EXT2: variants seen among roughly 807,000 people sequenced by gnomAD.
The protein encoded by EXT2 is exostosin-2.
EXT2 carries 53 observed loss-of-function variants against 81.6 expected under a neutral mutation model. The ratio of observed to expected loss-of-function variants is 0.65; its 90% CI spans 0.52 to 0.82. The LOEUF is 0.82. EXT2 is among the 40% of genes least tolerant of loss of function. The pLI is 0.00. For missense variants in EXT2, 774 were observed against 910.2 expected, an observed-to-expected ratio of 0.85 and a Z score of 1.93; for synonymous variants, 320 against 340.0, an observed-to-expected ratio of 0.94 and a Z score of 0.65.
intron 7 of EXT2, among the ~76,000 whole-genome samples, chr11:44,157,685 A>G (rs1954873787): frequency 6.6e-6 from 1 of 152,164 alleles, no homozygotes. Context: ...AAGGCCTGGG[A>G]TAAGACCCCA....
In EXT2 at chr11:44,250,604, A is replaced by T. The variant is rs1035822819; in HGVS notation, c.*6317A>T. On this transcript the variant is annotated 3_prime_UTR_variant, in exon 14 of 14. Transcript: ENST00000533608. ...ACCAAATGAGCAGTTCTCTTGCCCC[A>T]GTCCCTTTCCTGTGCTATAAATAAG... 6.6e-6 allele frequency among the ~76,000 whole-genome samples: 1 copy of T among 152,180 alleles called. No homozygotes were observed. Among genetic ancestry groups the T allele is most frequent in the African/African-American group, 2.4e-5 (1 of 41,438 alleles).
chr11:44,136,632 T>C (rs1324179137), intron 7 of EXT2, among the ~76,000 whole-genome samples: 3 of 152,220 alleles, frequency 2.0e-5, no homozygotes, highest in Non-Finnish European at 4.4e-5. Context: ...TTATAATGTC[T>C]ACCATTCTTA....
Position 44,215,865 on chromosome 11 carries a change from ATT to A in EXT2, c.1662+8927_1662+8928del, listed in dbSNP as rs34411687. ...AGAGAGAGGAGTCTTCCATTTGGGAATTTTTTTTTTTTTTTTTTTTTTGAGAC... is the reference window on the plus strand; with the variant it reads ...AGAGAGAGGAGTCTTCCATTTGGGAATTTTTTTTTTTTTTTTTTTTGAGAC... On this transcript the variant is annotated intron_variant, in intron 10 of 13. Transcript: ENST00000533608. 2.3e-3 allele frequency among the ~76,000 whole-genome samples: 293 copies of A among 127,798 alleles called. 2 individuals are homozygous for A. Among genetic ancestry groups the A allele is most frequent in the African/African-American group, 6.8e-3 (235 of 34,444 alleles). 83.8% of individuals were successfully genotyped at this position (127,798 alleles called of 152,430 possible). A position where few individuals can be genotyped will look rare whatever the true frequency, so the allele number is the denominator to read the frequency against.
intron 10 of EXT2, among the ~76,000 whole-genome samples, chr11:44,219,449 G>A (rs1004378297): frequency 9.9e-5 from 15 of 152,052 alleles, no homozygotes; most frequent in South Asian, 2.1e-4. Context: ...GTCTAGGATC[G>A]TGCCACTGCA....
rs1319948823 is a variant in EXT2 at position 44,236,331 on chromosome 11, A to G, written c.1974A>G (p.Thr658=). 4 of 1,614,040 alleles carry G rather than the reference A, an allele frequency of 2.5e-6. No individual in the cohort carries two copies. The highest frequency in any genetic ancestry group is 3.4e-6 in the Non-Finnish European group (4 of 1,180,038). The change falls in exon 13 of 14, where the codon ACA becomes ACG. Residue 658 remains threonine, a synonymous_variant. Coordinates refer to ENST00000533608, the MANE Select transcript of EXT2 (RefSeq NM_207122.2). ...PRKKFKCPEC[T]AIDGLSLDQT... ...AGAAATTCAAGTGTCCTGAGTGCAC[A>G]GCCATAGATGGGCTTTCACTAGACC... is the stretch of plus-strand genomic sequence containing the variant.
chr11:44,137,329 A>G (rs1424682838), intron 7 of EXT2, among the ~76,000 whole-genome samples: 1 of 152,222 alleles, frequency 6.6e-6, no homozygotes, highest in Non-Finnish European at 1.5e-5. Flanking sequence ...AGCTTCTGAG[A>G]TCTAAATCCT....
At chr11:44,102,668 T>C (rs956908625) in intron 1 of EXT2, among the ~76,000 whole-genome samples, 2 of 151,828 alleles carry the variant, frequency 1.3e-5, no homozygotes, top group Admixed American at 6.6e-5. Flanking sequence ...CTGAGGCCAC[T>C]TGGGACTCTG....
chr11:44,172,539 C>T (rs570711506), intron 8 of EXT2, among the ~76,000 whole-genome samples: 22 of 151,516 alleles, frequency 1.5e-4, no homozygotes, highest in Non-Finnish European at 3.1e-4. Flanking sequence ...TTGTCTCTCT[C>T]TTTCTGACCT....
chr11:44,203,680 C>T (rs1955547201), intron 9 of EXT2, among the ~76,000 whole-genome samples: 1 of 152,124 alleles, frequency 6.6e-6, no homozygotes, highest in Non-Finnish European at 1.5e-5. Context: ...GGAAGCTGCC[C>T]CAGGGAAGAG....
chr11:44,107,687 G>T lies in EXT2; in HGVS notation c.-26G>T, dbSNP rs369437823. The T allele has an allele frequency of 1.1e-5, 18 of 1,608,230 alleles. No homozygotes were observed. Among genetic ancestry groups the T allele is most frequent in the East Asian group, 1.1e-4 (5 of 44,742 alleles). ...ATTTCTCTCCCTGGTGACCAGGAGTGTGAGGAAGAGGCTGTCTGTGTCATT... is the reference window on the plus strand; with the variant it reads ...ATTTCTCTCCCTGGTGACCAGGAGTTTGAGGAAGAGGCTGTCTGTGTCATT... On this transcript the variant is annotated 5_prime_UTR_variant, in exon 2 of 14. Transcript: ENST00000533608.
At chr11:44,222,204 G>A (rs1335084544) in intron 10 of EXT2, among the ~76,000 whole-genome samples, 1 of 152,170 alleles carries the variant, frequency 6.6e-6, no homozygotes, top group Non-Finnish European at 1.5e-5. Context: ...GGGGTTGGGT[G>A]GAGGTCATGA....
chr11:44,218,872 A>G (rs542290015), intron 10 of EXT2, among the ~76,000 whole-genome samples: 2 of 129,526 alleles, frequency 1.5e-5, no homozygotes, highest in East Asian at 4.6e-4. Context: ...GTCTTGGCTC[A>G]CTGCAACCTC....
At chr11:44,112,344 G>A (rs1954157067) in intron 3 of EXT2, among the ~76,000 whole-genome samples, 1 of 152,140 alleles carries the variant, frequency 6.6e-6, no homozygotes, top group African/African-American at 2.4e-5. Flanking sequence ...TATAATACTT[G>A]GCCTGACCTG....
At chr11:44,109,333 G>C (rs1264396351) in intron 3 of EXT2, 50 bp downstream of exon 3, 5 of 1,468,138 alleles carry the variant, frequency 3.4e-6, no homozygotes, top group Non-Finnish European at 3.8e-6. Flanking sequence ...AGATCATTTT[G>C]TTCATGTGAA....
chr11:44,136,229 C>G (rs1317169036), intron 7 of EXT2, among the ~76,000 whole-genome samples: 1 of 152,148 alleles, frequency 6.6e-6, no homozygotes, highest in Non-Finnish European at 1.5e-5. Context: ...GTCAATTTCT[C>G]CCTCCTTTCC....
chr11:44,103,182 T>A (rs917569703), intron 1 of EXT2, among the ~76,000 whole-genome samples: 2 of 152,198 alleles, frequency 1.3e-5, no homozygotes, highest in Admixed American at 6.5e-5. Context: ...CTTTGGCTGC[T>A]TTTAATATTC....
Position 44,125,680 on chromosome 11 carries a change from A to ATT in EXT2, c.939+708_939+709dup, listed in dbSNP as rs5791606. On this transcript the variant is annotated intron_variant, in intron 5 of 13. Coordinates refer to ENST00000533608, the MANE Select transcript of EXT2 (RefSeq NM_207122.2). Reference sequence around the variant, plus strand: ...GGAGAAACACAAAGGAGCTGGTGTGATTTTTTTTTTTTTAATCTCCAGAGA... The same window carrying ATT: ...GGAGAAACACAAAGGAGCTGGTGTGATTTTTTTTTTTTTTTAATCTCCAGAGA... 3.3e-4 allele frequency among the ~76,000 whole-genome samples: 49 copies of ATT among 148,526 alleles called. 1 individual carries two copies. The highest frequency in any genetic ancestry group is 4.7e-4 in the Admixed American group (7 of 14,934).
At chr11:44,201,608 AATC>A (rs1565232536) in intron 9 of EXT2, among the ~76,000 whole-genome samples, 1 of 152,224 alleles carries the variant, frequency 6.6e-6, no homozygotes, top group African/African-American at 2.4e-5. Flanking sequence ...GTTGTAGGAA[AATC>A]ATCATGTGTT....
intron 7 of EXT2, among the ~76,000 whole-genome samples, chr11:44,153,478 C>A (rs1040041884): frequency 1.3e-5 from 2 of 151,564 alleles, no homozygotes; most frequent in African/African-American, 4.8e-5. Flanking sequence ...AGTTTTATTT[C>A]TTTTTTCCCA....
Sources: gnomAD v4.1 joint callset for allele counts (sites outside exome capture counted in the v4.1 genomes callset) on GRCh38, gnomAD v4.1.1 for gene constraint, MANE v1.5 for transcripts, NCBI Gene and HGNC (gene_info 2026-07-23, HGNC 2026-07-21) for gene names.